ASPH: variants seen among roughly 807,000 people sequenced by gnomAD.
The protein encoded by ASPH is aspartyl/asparaginyl beta-hydroxylase.
Under a neutral mutation model 118.4 loss-of-function variants are expected in ASPH, and 100 were observed. The observed-to-expected ratio is 0.84, with a 90% confidence interval of 0.72 to 1.00. The LOEUF is 1.00. ASPH is among the 50% of genes least tolerant of loss of function. The pLI is 0.00. For missense variants in ASPH, 920 were observed against 919.5 expected (o/e 1.00, Z -0.01); for synonymous variants, 315 against 325.6 (o/e 0.97, Z 0.35).
At chr8:61,608,546 A>T (rs1462232326) in intron 14 of ASPH, among the ~76,000 whole-genome samples, 2 of 152,234 alleles carry the variant, frequency 1.3e-5, no homozygotes, top group Non-Finnish European at 2.9e-5. Context: ...GCTTTTCTCA[A>T]ACGATCCTTT....
At chr8:61,578,089 A>G in intron 15 of ASPH, 2 of 990,236 alleles carry the variant, frequency 2.0e-6, no homozygotes. Context: ...CTTCTAAGAT[A>G]CAATGGGGGT....
chr8:61,701,765 T>C (rs1237330477), intron 1 of ASPH, among the ~76,000 whole-genome samples: 1 of 152,204 alleles, frequency 6.6e-6, no homozygotes, highest in Non-Finnish European at 1.5e-5. Context: ...GTTATTACCA[T>C]TTAAGGAGGA....
chr8:61,637,642 AGGGGT>A (rs1858441572), intron 12 of ASPH, among the ~76,000 whole-genome samples: 1 of 152,118 alleles, frequency 6.6e-6, no homozygotes, highest in Admixed American at 6.5e-5. Context: ...ATCACCCCTC[AGGGGT>A]GGTAACCTGC....
At chr8:61,524,438 C>A (rs893034577) in intron 22 of ASPH, among the ~76,000 whole-genome samples, 8 of 151,930 alleles carry the variant, frequency 5.3e-5, no homozygotes, top group Non-Finnish European at 1.0e-4. Context: ...TAATCATAAT[C>A]ATGTAAGTGA....
chr8:61,520,997 A>T (rs1812755150), intron 22 of ASPH, among the ~76,000 whole-genome samples: 1 of 152,208 alleles, frequency 6.6e-6, no homozygotes, highest in African/African-American at 2.4e-5. Flanking sequence ...GACTCTGGGC[A>T]TTCATGCACT....
At chr8:61,544,382 C>T (rs1304267232) in intron 21 of ASPH, among the ~76,000 whole-genome samples, 2 of 152,196 alleles carry the variant, frequency 1.3e-5, no homozygotes, top group Non-Finnish European at 2.9e-5. Context: ...TGTTCTGCCT[C>T]ATTACACAAT....
chr8:61,699,232 C>T (rs1442091540), intron 1 of ASPH, among the ~76,000 whole-genome samples: 9 of 152,234 alleles, frequency 5.9e-5, no homozygotes, highest in East Asian at 1.9e-4. Context: ...GCCCTAACAG[C>T]GGCCTTCACC....
At chr8:61,644,042 A>G (rs1169249332) in intron 7 of ASPH, 41 bp from the exon 8 acceptor site, 2 of 1,442,572 alleles carry the variant, frequency 1.4e-6, no homozygotes, top group Non-Finnish European at 1.9e-6. Flanking sequence ...GTCTCAAATA[A>G]GGAATACATG....
chr8:61,624,759 TCA>T, intron 13 of ASPH: 1 of 985,830 alleles, frequency 1.0e-6, no homozygotes, highest in Non-Finnish European at 1.2e-6. Context: ...TACTCATTCA[TCA>T]GTTCTATGTC....
At chr8:61,509,540 C>A (rs1000307238) in intron 24 of ASPH, among the ~76,000 whole-genome samples, 2 of 152,140 alleles carry the variant, frequency 1.3e-5, no homozygotes, top group East Asian at 3.9e-4. Context: ...TTTACTGCAA[C>A]CTGTTTTATC....
chr8:61,617,367 G>T (rs915298780), intron 14 of ASPH, among the ~76,000 whole-genome samples: 3 of 152,188 alleles, frequency 2.0e-5, no homozygotes, highest in Non-Finnish European at 4.4e-5. Context: ...GTGTTTGAAG[G>T]ACAGGAAGTG....
rs189587813 is a variant in ASPH at position 61,628,146 on chromosome 8, T to C, written c.934+5537A>G. 5.9e-4 allele frequency among the ~76,000 whole-genome samples: 90 copies of C among 151,872 alleles called. 2 individuals carry two copies. Among genetic ancestry groups the C allele is most frequent in the Non-Finnish European group, 1.8e-4 (12 of 67,972 alleles). On this transcript the variant is annotated intron_variant, in intron 13 of 24. Transcript: ENST00000379454. ...GGATTTTTTCAGTGACTTCTTGTCATTTTTAGGCAAAGATCCAAACTTTTA... is the reference window on the plus strand; with the variant it reads ...GGATTTTTTCAGTGACTTCTTGTCACTTTTAGGCAAAGATCCAAACTTTTA...
chr8:61,641,483 C>T (rs552306283), intron 10 of ASPH, among the ~76,000 whole-genome samples: 1 of 152,200 alleles, frequency 6.6e-6, no homozygotes, highest in South Asian at 2.1e-4. Context: ...ATTCCCCAAC[C>T]TTCCCTCGGC....
At chr8:61,614,665 T>C (rs890960195) in intron 14 of ASPH, among the ~76,000 whole-genome samples, 11 of 152,076 alleles carry the variant, frequency 7.2e-5, no homozygotes, top group Non-Finnish European at 1.3e-4. Context: ...TTGTTGTTGT[T>C]GTTGTTTGTT....
At chr8:61,702,304 T>TTTC in intron 1 of ASPH, among the ~76,000 whole-genome samples, 1 of 143,156 alleles carries the variant, frequency 7.0e-6, no homozygotes, top group Non-Finnish European at 1.5e-5. Context: ...TTTTTTTTTT[T>TTTC]GACAGAGTCT....
At chr8:61,699,714 A>G (rs1834786277) in intron 1 of ASPH, among the ~76,000 whole-genome samples, 2 of 152,210 alleles carry the variant, frequency 1.3e-5, no homozygotes, top group African/African-American at 4.8e-5. Flanking sequence ...TACTTGCAAG[A>G]CTGTGAAAAA....
At chr8:61,714,213 G>A in intron 1 of ASPH, 56 bp downstream of exon 1, 1 of 1,371,508 alleles carries the variant, frequency 7.3e-7, no homozygotes. Context: ...CGCCGCGCCA[G>A]CCGGCTCCCT....
Position 61,576,851 on chromosome 8 carries a change from AT to A in ASPH, c.1069del (p.Ile357LeufsTer5). On this transcript the variant is annotated frameshift_variant, in exon 16 of 25. Coordinates refer to ENST00000379454, the MANE Select transcript of ASPH (RefSeq NM_004318.4). LOFTEE classifies it high-confidence loss of function. ...AAEKLRKRGK[I>X]EEAVNAFKEL... is the part of the protein sequence containing the mutation. ...TTTAAATGCATTCACTGCTTCCTCA[AT>A]TTTTCCCTGTTAGAAAGACAAAATT... 4 of 1,606,136 alleles carry A rather than the reference AT, an allele frequency of 2.5e-6. No homozygotes were observed. Among genetic ancestry groups the A allele is most frequent in the South Asian group, 2.3e-5 (2 of 88,792 alleles).
chr8:61,566,520 G>T (rs1831741698), intron 17 of ASPH, among the ~76,000 whole-genome samples: 1 of 152,234 alleles, frequency 6.6e-6, no homozygotes, highest in African/African-American at 2.4e-5. Flanking sequence ...CAGTGGCAGG[G>T]TTTGAGAGGA....
Sources: gnomAD v4.1 joint callset for allele counts (sites outside exome capture counted in the v4.1 genomes callset) on GRCh38, gnomAD v4.1.1 for gene constraint, MANE v1.5 for transcripts, NCBI Gene and HGNC (gene_info 2026-07-23, HGNC 2026-07-21) for gene names.